Variants in EGFR observed in about 807,000 individuals in gnomAD.
The protein encoded by EGFR is epidermal growth factor receptor, also known as avian erythroblastic leukemia viral (v-erb-b) oncogene homolog.
In EGFR, 58 loss-of-function variants were observed where a neutral mutation model predicts 143.0. The observed-to-expected ratio is 0.41, with a 90% CI of 0.33 to 0.50. EGFR has a LOEUF of 0.50. Ranked by LOEUF, EGFR falls within the 20% of genes least tolerant of loss-of-function variation. EGFR has a pLI of 0.39. For missense variants in EGFR, 1,307 were observed against 1,579.0 expected (o/e 0.83, Z 2.92); for synonymous variants, 613 against 594.4 (o/e 1.03, Z -0.45).
At chr7:55,149,483 C>T (rs944412048) in intron 4 of EGFR, among the ~76,000 whole-genome samples, 1 of 152,158 alleles carries the variant, frequency 6.6e-6, no homozygotes, top group African/African-American at 2.4e-5. Context: ...TCACACCTTC[C>T]TTTGCAAAGT....
intron 1 of EGFR, among the ~76,000 whole-genome samples, chr7:55,050,707 G>C (rs941055448): frequency 6.6e-6 from 1 of 152,104 alleles, no homozygotes; most frequent in Non-Finnish European, 1.5e-5. Context: ...GTCATCCTTG[G>C]CTAGGCCTTG....
intron 1 of EGFR, among the ~76,000 whole-genome samples, chr7:55,101,301 C>T (rs1162496700): frequency 6.6e-6 from 1 of 152,254 alleles, no homozygotes; most frequent in Non-Finnish European, 1.5e-5. Flanking sequence ...TTCCAGCTTA[C>T]TGAGGTACAC....
chr7:55,192,003 A>T, intron 21 of EGFR, 129 bp downstream of exon 21: 2 of 1,421,120 alleles, frequency 1.4e-6, no homozygotes, highest in African/African-American at 1.4e-5. Flanking sequence ...AGCTCGCAGC[A>T]GCTGCTGCTG....
chr7:55,107,271 C>T (rs987218802), intron 1 of EGFR, among the ~76,000 whole-genome samples: 22 of 152,178 alleles, frequency 1.4e-4, no homozygotes, highest in South Asian at 1.0e-3. Context: ...GTACTTTTTT[C>T]CTATTTCCAT....
intron 4 of EGFR, among the ~76,000 whole-genome samples, chr7:55,149,744 T>C (rs1017348989): frequency 5.3e-5 from 8 of 152,210 alleles, no homozygotes. Flanking sequence ...AAGAATTCCT[T>C]GCAGCCTTAT....
At chr7:55,039,996 T>C (rs1787808796) in intron 1 of EGFR, among the ~76,000 whole-genome samples, 3 of 152,220 alleles carry the variant, frequency 2.0e-5, no homozygotes, top group African/African-American at 7.2e-5. Context: ...TCACTGACAG[T>C]TCTCTTACTA....
At chr7:55,030,953 C>T (rs1164412660) in intron 1 of EGFR, among the ~76,000 whole-genome samples, 6 of 151,974 alleles carry the variant, frequency 3.9e-5, no homozygotes, top group African/African-American at 1.2e-4. Context: ...GGTGATGTGC[C>T]TCTCCCAGAA....
chr7:55,040,604 G>T (rs1032984739), intron 1 of EGFR, among the ~76,000 whole-genome samples: 2 of 152,144 alleles, frequency 1.3e-5, no homozygotes, highest in East Asian at 3.9e-4. Flanking sequence ...ATTGGGTTAT[G>T]AAATGACTGG....
intron 22 of EGFR, among the ~76,000 whole-genome samples, chr7:55,193,076 G>A (rs1007235019): frequency 1.3e-5 from 2 of 152,084 alleles, no homozygotes; most frequent in African/African-American, 4.8e-5. Flanking sequence ...GGCAGGGTGG[G>A]GGGTATGGGA....
chr7:55,091,891 C>CACACACA (rs1562706309), intron 1 of EGFR, among the ~76,000 whole-genome samples: 8 of 135,252 alleles, frequency 5.9e-5, no homozygotes, highest in South Asian at 4.7e-4. Context: ...CACACACACA[C>CACACACA]CCTGAGAGAG....
At chr7:55,160,757 A>T (rs557858864) in intron 12 of EGFR, among the ~76,000 whole-genome samples, 183 of 152,340 alleles carry the variant, frequency 1.2e-3, no homozygotes, top group Non-Finnish European at 2.0e-3. Context: ...AGCTGGTGAG[A>T]GCCTGGCCTG....
intron 1 of EGFR, among the ~76,000 whole-genome samples, chr7:55,091,330 T>C (rs1302986777): frequency 1.3e-5 from 2 of 152,228 alleles, no homozygotes; most frequent in Non-Finnish European, 2.9e-5. Flanking sequence ...TAAAAAGTGA[T>C]GAAAACTACC....
At chr7:55,118,575 G>T (rs936770441) in intron 1 of EGFR, among the ~76,000 whole-genome samples, 4 of 152,174 alleles carry the variant, frequency 2.6e-5, no homozygotes. Flanking sequence ...TCCACTATGT[G>T]TCAGGCCACC....
intron 1 of EGFR, among the ~76,000 whole-genome samples, chr7:55,137,731 G>A (rs1225341925): frequency 1.3e-5 from 2 of 152,206 alleles, no homozygotes; most frequent in Non-Finnish European, 2.9e-5. Flanking sequence ...TTGCTCAAGA[G>A]GACAGTGTGG....
chr7:55,103,518 T>A (rs1791945131), intron 1 of EGFR, among the ~76,000 whole-genome samples: 1 of 152,184 alleles, frequency 6.6e-6, no homozygotes, highest in Non-Finnish European at 1.5e-5. Flanking sequence ...AGAGACTAAG[T>A]GAAAAGCTGG....
chr7:55,062,284 A>C (rs906136642), intron 1 of EGFR, among the ~76,000 whole-genome samples: 8 of 152,018 alleles, frequency 5.3e-5, no homozygotes, highest in African/African-American at 1.9e-4. Flanking sequence ...ATTTCGGCAC[A>C]CTCTCTTGCG....
At chr7:55,092,809 C>T (rs1270614101) in intron 1 of EGFR, among the ~76,000 whole-genome samples, 6 of 152,216 alleles carry the variant, frequency 3.9e-5, no homozygotes, top group South Asian at 2.1e-4. Flanking sequence ...GGTGTGGGAC[C>T]GGCACCGTAT....
chr7:55,087,370 AG>A (rs745676187), intron 1 of EGFR, among the ~76,000 whole-genome samples: 7 of 151,882 alleles, frequency 4.6e-5, no homozygotes, highest in African/African-American at 1.2e-4. Context: ...CAACATCAGC[AG>A]TGGCACTTAC....
chr7:55,054,730 A>C (rs1445341052), intron 1 of EGFR, among the ~76,000 whole-genome samples: 1 of 152,168 alleles, frequency 6.6e-6, no homozygotes, highest in South Asian at 2.1e-4. Context: ...GGCAGTGGGC[A>C]GCACCGTGCC....
Sources: allele counts gnomAD v4.1 joint callset (sites outside exome capture counted in the v4.1 genomes callset), GRCh38; gene constraint gnomAD v4.1.1; transcripts MANE v1.5; gene names NCBI Gene and HGNC (gene_info 2026-07-23, HGNC 2026-07-21).